Variants in NEMP2 observed in about 807,000 individuals in gnomAD.
The protein encoded by NEMP2 is UPF0571 transmembrane protein.
A neutral mutation model predicts 54.2 loss-of-function variants in NEMP2; 53 were observed. The observed-to-expected ratio is 0.98, with a 90% CI of 0.78 to 1.23. The LOEUF (loss-of-function observed/expected upper bound fraction) is 1.23, where lower values mean the gene tolerates loss of function less well. Among genes scored for constraint, NEMP2 ranks in the 50% most tolerant of loss-of-function variants. The pLI is 0.00. For missense variants in NEMP2, 455 were observed against 511.3 expected (o/e 0.89, Z 1.06); for synonymous variants, 197 against 190.3 (o/e 1.04, Z -0.29).
At chr2:190,494,210 C>T in the NEMP2 span, among the ~76,000 whole-genome samples, 1 of 152,186 alleles carries the variant, frequency 6.6e-6, no homozygotes, top group Non-Finnish European at 1.5e-5. The surrounding 1 kb of genome is among the most constrained non-coding windows in gnomAD (Gnocchi z 5.7). Context: ...AAAGATCATT[C>T]AAGGCTACTA....
At chr2:190,630,732 T>C in the NEMP2 span, among the ~76,000 whole-genome samples, 1 of 152,200 alleles carries the variant, frequency 6.6e-6, no homozygotes, top group Non-Finnish European at 1.5e-5. The surrounding 1 kb of genome is among the most constrained non-coding windows in gnomAD (Gnocchi z 5.5). Flanking sequence ...CTTGAACCTG[T>C]TGGAGTTTAT....
chr2:190,645,574 A>G, the NEMP2 span, among the ~76,000 whole-genome samples: 1 of 152,212 alleles, frequency 6.6e-6, no homozygotes, highest in Non-Finnish European at 1.5e-5. Context: ...CTGCTAGTTC[A>G]TATTTTCCAT....
chr2:190,431,193 C>T, the NEMP2 span, among the ~76,000 whole-genome samples: 10 of 150,594 alleles, frequency 6.6e-5, no homozygotes, highest in Non-Finnish European at 1.0e-4. This position sits in a 1 kb window ranked among gnomAD's most constrained non-coding sequence, Gnocchi z 4.4. Context: ...GGATGGTGGC[C>T]GGGAAGAGGC....
chr2:190,639,645 TTTTG>T, the NEMP2 span, among the ~76,000 whole-genome samples: 2 of 146,856 alleles, frequency 1.4e-5, no homozygotes, highest in Admixed American at 6.7e-5. Context: ...AGTTTTTTTT[TTTTG>T]TTTTTTGTTT....
Position 190,514,674 on chromosome 2 carries a change from A to G in NEMP2, c.732T>C (p.Tyr244=), listed in dbSNP as rs1343851450. 3.2e-6 allele frequency: 5 copies of G among 1,551,616 alleles called. No individual in the cohort carries two copies. The highest frequency in any genetic ancestry group is 4.4e-6 in the Non-Finnish European group (5 of 1,146,894). The part of the protein sequence containing the change: ...WYENRIYVLG[Y]VLIVGFFSFV... ...AGCTGAAAAATCCAACTATCAAGACATAGCCTGGAAAAGTGGAAGAGGTAA... is the reference window on the plus strand; with the variant it reads ...AGCTGAAAAATCCAACTATCAAGACGTAGCCTGGAAAAGTGGAAGAGGTAA... Residue 244 remains tyrosine (Y), a synonymous_variant, in exon 7 of 9, where the codon TAT becomes TAC. Coordinates refer to ENST00000409150, the MANE Select transcript of NEMP2 (RefSeq NM_001142645.2). This position sits in a 1 kb window ranked among gnomAD's most constrained non-coding sequence, Gnocchi z 5.7.
chr2:190,648,723 G>A, the NEMP2 span, among the ~76,000 whole-genome samples: 1 of 151,118 alleles, frequency 6.6e-6, no homozygotes, highest in Non-Finnish European at 1.5e-5. Flanking sequence ...CCCCGCGCCC[G>A]GAGCGGGACT....
At chr2:190,537,035 A>G (rs1691399264), upstream of NEMP2, among the ~76,000 whole-genome samples, 1 of 152,248 alleles carries the variant, frequency 6.6e-6, no homozygotes, top group African/African-American at 2.4e-5. Context: ...TCAAGAGGTA[A>G]AACAGAACCA....
rs1559158836 is a variant in NEMP2, at chr2:190,516,135, T to G, written c.727+135A>C. 5 of 568,870 alleles carry G rather than the reference T, an allele frequency of 8.8e-6. No homozygotes were observed. The East Asian group carries it at 1.4e-4, about 16-fold the overall frequency. 35.2% of individuals were successfully genotyped at this position (568,870 alleles called of 1,614,324 possible). On this transcript the variant is annotated intron_variant, in intron 6 of 8. Transcript: ENST00000409150. Reference sequence around the variant, plus strand: ...AATGGGAATAAGATAAACAAAATATTATTTTTAGTAGCACCTTTCGTTAGT... The same window carrying G: ...AATGGGAATAAGATAAACAAAATATGATTTTTAGTAGCACCTTTCGTTAGT...
chr2:190,551,562 C>A, the NEMP2 span, among the ~76,000 whole-genome samples: 1 of 152,080 alleles, frequency 6.6e-6, no homozygotes, highest in Non-Finnish European at 1.5e-5. Flanking sequence ...GTTTGCATTT[C>A]ATTTCTTGTA....
At chr2:190,498,309 A>G in the NEMP2 span, among the ~76,000 whole-genome samples, 1 of 152,314 alleles carries the variant, frequency 6.6e-6, no homozygotes, top group African/African-American at 2.4e-5. This position sits in a 1 kb window ranked among gnomAD's most constrained non-coding sequence, Gnocchi z 5.9. Context: ...AAATGAGTGT[A>G]ACTTCTATAA....
At chr2:190,469,746 A>ATT in the NEMP2 span, 1 of 1,364,932 alleles carries the variant, frequency 7.3e-7, no homozygotes, top group South Asian at 1.7e-5. This position sits in a 1 kb window ranked among gnomAD's most constrained non-coding sequence, Gnocchi z 5.3. Context: ...TTTATTTTTT[A>ATT]TTTTTTTTTA....
chr2:190,448,728 A>T, the NEMP2 span, among the ~76,000 whole-genome samples: 1 of 152,224 alleles, frequency 6.6e-6, no homozygotes, highest in Admixed American at 6.5e-5. Context: ...ACAAAAAGAG[A>T]AAGGGACTTG....
the NEMP2 span, among the ~76,000 whole-genome samples, chr2:190,581,661 A>AT: frequency 5.3e-5 from 8 of 152,340 alleles, no homozygotes; most frequent in African/African-American, 1.4e-4. Flanking sequence ...GCAAATATAC[A>AT]TTTTTTCCTA....
the NEMP2 span, among the ~76,000 whole-genome samples, chr2:190,449,438 C>T: frequency 6.6e-6 from 1 of 152,014 alleles, no homozygotes; most frequent in East Asian, 1.9e-4. Context: ...GGCACCACTG[C>T]ACACCCGCCT....
At chr2:190,437,864 A>C in the NEMP2 span, among the ~76,000 whole-genome samples, 1 of 152,232 alleles carries the variant, frequency 6.6e-6, no homozygotes, top group African/African-American at 2.4e-5. The surrounding 1 kb of genome is among the most constrained non-coding windows in gnomAD (Gnocchi z 5.9). Flanking sequence ...GTTTTCAGGT[A>C]TAGGAACACC....
At chr2:190,646,048 A>C in the NEMP2 span, among the ~76,000 whole-genome samples, 2 of 152,262 alleles carry the variant, frequency 1.3e-5, no homozygotes, top group Non-Finnish European at 2.9e-5. Flanking sequence ...GTACTGAATA[A>C]ATGAATAATT....
rs1690422491 is a variant in NEMP2 at position 190,513,000 on chromosome 2, C to A, written c.953+1453G>T. On this transcript the variant is annotated intron_variant, in intron 7 of 8. Coordinates refer to ENST00000409150, the MANE Select transcript of NEMP2 (RefSeq NM_001142645.2). This position sits in a 1 kb window ranked among gnomAD's most constrained non-coding sequence, Gnocchi z 4.5. ...ATTTTACCTCTTGAACATTTATTCA[C>A]TCCCTCTTCTAGCCTTGGTCTCATG... 6.6e-6 allele frequency among the ~76,000 whole-genome samples: 1 copy of A among 152,222 alleles called. No homozygotes were observed. Among genetic ancestry groups the A allele is most frequent in the Non-Finnish European group, 1.5e-5 (1 of 68,048 alleles).
the NEMP2 span, among the ~76,000 whole-genome samples, chr2:190,620,865 C>T: frequency 6.6e-6 from 1 of 151,988 alleles, no homozygotes; most frequent in Non-Finnish European, 1.5e-5. The surrounding 1 kb of genome is among the most constrained non-coding windows in gnomAD (Gnocchi z 4.9). Context: ...TACAGAAAAT[C>T]CTAAGGAATC....
intron 4 of NEMP2, among the ~76,000 whole-genome samples, chr2:190,518,531 C>T (rs1411082724): frequency 6.6e-6 from 1 of 152,170 alleles, no homozygotes; most frequent in East Asian, 1.9e-4. Context: ...TGTGAAAGCA[C>T]TTTGTAACAT....
Sources: gnomAD v4.1 joint callset for allele counts (sites outside exome capture counted in the v4.1 genomes callset) on GRCh38, gnomAD v4.1.1 for gene constraint, Gnocchi (gnomAD v3.1) non-coding constraint, MANE v1.5 for transcripts, NCBI Gene and HGNC (gene_info 2026-07-23, HGNC 2026-07-21) for gene names.